Variants in NDUFA9 observed in about 807,000 individuals in gnomAD.
NDUFA9 encodes NADH dehydrogenase [ubiquinone] 1 alpha subcomplex subunit 9, mitochondrial.
Under a neutral mutation model 45.9 loss-of-function variants are expected in NDUFA9, and 23 were observed. That is an observed-to-expected ratio of 0.50 (90% CI 0.36 to 0.71). The LOEUF is 0.71. Ranked by LOEUF, NDUFA9 falls within the 30% of genes least tolerant of loss-of-function variation. NDUFA9 has a pLI of 0.00. For synonymous variants in NDUFA9, 176 were observed against 170.5 expected (o/e 1.03, Z -0.25); for missense variants, 466 against 488.2 (o/e 0.95, Z 0.43).
intron 6 of NDUFA9, among the ~76,000 whole-genome samples, chr12:4,664,221 A>G (rs1224593765): frequency 6.6e-6 from 1 of 152,258 alleles, no homozygotes; most frequent in Non-Finnish European, 1.5e-5. Flanking sequence ...GAGAACACTA[A>G]GAGTGTGGCT....
At chr12:4,684,764 G>A (rs914302661) in intron 9 of NDUFA9, among the ~76,000 whole-genome samples, 4 of 151,506 alleles carry the variant, frequency 2.6e-5, no homozygotes, top group African/African-American at 4.8e-5. Flanking sequence ...TTATATTGTC[G>A]TCCTGATTTG....
Position 4,685,224 on chromosome 12 carries a change from C to T in NDUFA9, c.897-35C>T, listed in dbSNP as rs1011420151. On this transcript the variant is annotated intron_variant, in intron 9 of 10. Coordinates refer to ENST00000266544, the MANE Select transcript of NDUFA9 (RefSeq NM_005002.5). Reference sequence around the variant, plus strand: ...AGCTTACATCTTGGGCAGAGAGATGCTTATCACATGTGCTATATGTATTTC... The same window carrying T: ...AGCTTACATCTTGGGCAGAGAGATGTTTATCACATGTGCTATATGTATTTC... 1.9e-6 allele frequency: 3 copies of T among 1,560,872 alleles called. No individual in the cohort carries two copies. In the African/African-American group the frequency reaches 4.1e-5, roughly 21 times the overall value.
rs1946002796 is a variant in NDUFA9 at position 4,688,819 on chromosome 12, A to T, written c.*1711A>T. 6.6e-6 allele frequency: 1 copy of T among 152,206 alleles called. No individual in the cohort carries two copies. Among genetic ancestry groups the T allele is most frequent in the Non-Finnish European group, 1.5e-5 (1 of 68,036 alleles). 9.4% of individuals were successfully genotyped at this position (152,206 alleles called of 1,614,324 possible). On this transcript the variant is annotated 3_prime_UTR_variant, in exon 11 of 11. Transcript: ENST00000266544. ...ACCCAACTTCACGTTTTTTCTTCAG[A>T]TGCTGTCTGTTATTTTGGATGACAC... is the stretch of plus-strand genomic sequence containing the variant.
At position 4,688,826 on chromosome 12, in the gene NDUFA9, C is replaced by CT. The variant is rs1461186764; in HGVS notation, c.*1719dup. 6.6e-6 allele frequency: 1 copy of CT among 152,202 alleles called. No homozygotes were observed. Among genetic ancestry groups the CT allele is most frequent in the Non-Finnish European group, 1.5e-5 (1 of 68,032 alleles). The allele number at this position is 152,202 out of a possible 1,614,324, so 9.4% of individuals were successfully genotyped here. A position where few individuals can be genotyped will look rare whatever the true frequency, so the allele number is the denominator to read the frequency against. Reference sequence around the variant, plus strand: ...TTCACGTTTTTTCTTCAGATGCTGTCTGTTATTTTGGATGACACCCCTCCT... The same window carrying CT: ...TTCACGTTTTTTCTTCAGATGCTGTCTTGTTATTTTGGATGACACCCCTCCT... On this transcript the variant is annotated 3_prime_UTR_variant, in exon 11 of 11. Coordinates refer to ENST00000266544, the MANE Select transcript of NDUFA9 (RefSeq NM_005002.5).
rs1946021651 is a variant in NDUFA9 at position 4,692,133 on chromosome 12, G to A, written c.*5025G>A. Reference sequence around the variant, plus strand: ...TTTTCTGATGCTCTAAGGGAAGTCAGGTGCCTAATATTGGTGATGTGGTTT... The same window carrying A: ...TTTTCTGATGCTCTAAGGGAAGTCAAGTGCCTAATATTGGTGATGTGGTTT... On this transcript the variant is annotated 3_prime_UTR_variant, in exon 11 of 11. Coordinates refer to ENST00000266544, the MANE Select transcript of NDUFA9 (RefSeq NM_005002.5). The A allele has an allele frequency of 6.6e-6, 1 of 152,198 alleles. No individual in the cohort carries two copies. The highest frequency in any genetic ancestry group is 2.1e-4 in the South Asian group (1 of 4,830). 9.4% of individuals were successfully genotyped at this position (152,198 alleles called of 1,614,324 possible).
At chr12:4,665,068 A>C (rs1404892352) in intron 6 of NDUFA9, among the ~76,000 whole-genome samples, 1 of 152,176 alleles carries the variant, frequency 6.6e-6, no homozygotes, top group African/African-American at 2.4e-5. Flanking sequence ...TTTAGATAAT[A>C]TTTGGATGCG....
At chr12:4,672,316 G>C (rs1160304099) in intron 8 of NDUFA9, among the ~76,000 whole-genome samples, 1 of 152,326 alleles carries the variant, frequency 6.6e-6, no homozygotes, top group East Asian at 1.9e-4. Context: ...CGTTTGGGCA[G>C]ACACTGGGCT....
intron 8 of NDUFA9, among the ~76,000 whole-genome samples, chr12:4,675,851 G>A (rs7310700): frequency 0.91 from 138,749 of 152,238 alleles, 63,484 homozygotes; most frequent in Middle Eastern, 0.98. Flanking sequence ...GGCAGAGACA[G>A]CAAAAAAAGA....
At chr12:4,661,351 C>A (rs533020695) in intron 5 of NDUFA9, among the ~76,000 whole-genome samples, 23 of 152,218 alleles carry the variant, frequency 1.5e-4, no homozygotes, top group Admixed American at 9.2e-4. Flanking sequence ...GAAAATGTTT[C>A]AAATTGTCTC....
At chr12:4,666,799 G>A (rs887021677) in intron 6 of NDUFA9, among the ~76,000 whole-genome samples, 2 of 152,244 alleles carry the variant, frequency 1.3e-5, no homozygotes, top group African/African-American at 2.4e-5. Flanking sequence ...AAATCAGAAA[G>A]TGTGTGAGAC....
At chr12:4,657,602 G>C in intron 3 of NDUFA9, 146 bp from the exon 4 acceptor site, 1 of 625,946 alleles carries the variant, frequency 1.6e-6, no homozygotes, top group South Asian at 1.9e-5. Flanking sequence ...CATTTCTGTT[G>C]TAATAAATGG....
In NDUFA9 at chr12:4,654,342, C is replaced by A; in HGVS notation, c.100C>A (p.Arg34Ser). 6.2e-7 allele frequency: 1 copy of A among 1,614,148 alleles called. No individual in the cohort carries two copies. The highest frequency in any genetic ancestry group is 8.5e-7 in the Non-Finnish European group (1 of 1,180,000). ...ATCTGTGTGTCACGGCCCACCCTGTCGCCAGCTTCATCATGCCCTCATGCC... is the reference window on the plus strand; with the variant it reads ...ATCTGTGTGTCACGGCCCACCCTGTAGCCAGCTTCATCATGCCCTCATGCC... ...ATSVCHGPPC[R>S]QLHHALMPHG... The change falls in exon 2 of 11, where the codon CGC becomes AGC. Residue 34 changes from arginine (R) to serine (S), a missense_variant. Coordinates refer to ENST00000266544, the MANE Select transcript of NDUFA9 (RefSeq NM_005002.5).
intron 4 of NDUFA9, among the ~76,000 whole-genome samples, chr12:4,658,581 C>G (rs1945804964): frequency 6.6e-6 from 1 of 152,154 alleles, no homozygotes; most frequent in African/African-American, 2.4e-5. Flanking sequence ...CTTCAGCAGC[C>G]AGTACGGCCA....
intron 10 of NDUFA9, 39 bp from the exon 11 acceptor site, chr12:4,686,899 A>C (rs746689773): frequency 1.3e-6 from 2 of 1,595,850 alleles, no homozygotes; most frequent in Admixed American, 3.4e-5. Context: ...GTTCTCAGCC[A>C]GTTTTCAGCA....
rs1228420036 is a variant in NDUFA9, at chr12:4,691,910, T to G, written c.*4802T>G. ...TTATGACAGGAAGTAGTCCTGCAGC[T>G]TGGAGCAAGGTGCCCACCAAAGTTA... On this transcript the variant is annotated 3_prime_UTR_variant, in exon 11 of 11. Transcript: ENST00000266544. 6.6e-6 allele frequency: 1 copy of G among 152,058 alleles called. No individual in the cohort carries two copies. The highest frequency in any genetic ancestry group is 1.5e-5 in the Non-Finnish European group (1 of 68,024). The allele number at this position is 152,058 out of a possible 1,614,324, so 9.4% of individuals were successfully genotyped here. A position where few individuals can be genotyped will look rare whatever the true frequency, so the allele number is the denominator to read the frequency against.
intron 7 of NDUFA9, 121 bp downstream of exon 7, chr12:4,668,645 G>A (rs1945867548): frequency 1.1e-6 from 1 of 878,158 alleles, no homozygotes; most frequent in South Asian, 1.5e-5. Flanking sequence ...ACTTGTGTCA[G>A]CTAGCTGCCT....
intron 8 of NDUFA9, among the ~76,000 whole-genome samples, chr12:4,681,395 C>T (rs1945951225): frequency 6.6e-6 from 1 of 150,850 alleles, no homozygotes; most frequent in South Asian, 2.1e-4. Context: ...ACAGGGACTC[C>T]AGGAGGAAAG....
At chr12:4,668,555 G>A (rs770527387) in intron 7 of NDUFA9, 31 bp downstream of exon 7, 2 of 1,558,690 alleles carry the variant, frequency 1.3e-6, no homozygotes, top group African/African-American at 1.4e-5. Context: ...GGTCAGAAAG[G>A]GATTTTTGAT....
Position 4,653,686 on chromosome 12 carries a change from T to G in NDUFA9, c.50-606T>G, listed in dbSNP as rs917998821. 3.4e-5 allele frequency: 14 copies of G among 407,294 alleles called. No homozygotes were observed. In the Admixed American group the frequency reaches 4.7e-4, roughly 14 times the overall value. 25.2% of individuals were successfully genotyped at this position (407,294 alleles called of 1,614,324 possible). A position where few individuals can be genotyped will look rare whatever the true frequency, so the allele number is the denominator to read the frequency against. Reference sequence around the variant, plus strand: ...TTCTTCAGTGGTTTTATAGTAAGTCTGAACTATTGAACTGCATTCTTTTTT... The same window carrying G: ...TTCTTCAGTGGTTTTATAGTAAGTCGGAACTATTGAACTGCATTCTTTTTT... On this transcript the variant is annotated intron_variant, in intron 1 of 10. Transcript: ENST00000266544.
Sources: gnomAD v4.1 joint callset for allele counts (sites outside exome capture counted in the v4.1 genomes callset) on GRCh38, gnomAD v4.1.1 for gene constraint, MANE v1.5 for transcripts, NCBI Gene and HGNC (gene_info 2026-07-23, HGNC 2026-07-21) for gene names.